Variants in CHD7 observed in about 807,000 individuals in gnomAD.
CHD7 encodes the protein chromodomain helicase DNA binding protein 7, also known as ATP-dependent chromatin remodeler CHD7.
CHD7 carries 24 observed loss-of-function variants against 307.3 expected under a neutral mutation model. The ratio of observed to expected loss-of-function variants is 0.08; its 90% confidence interval spans 0.06 to 0.11. The LOEUF is 0.11. CHD7 is among the 10% of genes least tolerant of loss of function. CHD7 has a pLI of 1.00. For synonymous variants in CHD7, 1,363 were observed against 1,349.9 expected, an observed-to-expected ratio of 1.01 and a Z score of -0.21; for missense variants, 3,106 against 3,727.1, an observed-to-expected ratio of 0.83 and a Z score of 4.34.
At chr8:60,836,590 A>T (rs1804750104) in intron 16 of CHD7, among the ~76,000 whole-genome samples, 1 of 152,184 alleles carries the variant, frequency 6.6e-6, no homozygotes, top group African/African-American at 2.4e-5. Flanking sequence ...TGTTTTTAGA[A>T]TTTAACTATT....
chr8:60,797,945 C>G (rs1199829473), intron 4 of CHD7, among the ~76,000 whole-genome samples: 1 of 152,168 alleles, frequency 6.6e-6, no homozygotes, highest in Non-Finnish European at 1.5e-5. Flanking sequence ...AATTACATCT[C>G]ACATTATGTA....
chr8:60,827,060 G>A (rs1159491902), intron 13 of CHD7, among the ~76,000 whole-genome samples: 1 of 152,080 alleles, frequency 6.6e-6, no homozygotes, highest in African/African-American at 2.4e-5. Context: ...TCCACTATTT[G>A]TAGGTAACTG....
At chr8:60,718,890 T>C (rs1260933466) in intron 1 of CHD7, among the ~76,000 whole-genome samples, 1 of 152,236 alleles carries the variant, frequency 6.6e-6, no homozygotes, top group Admixed American at 6.5e-5. Context: ...TTATATTGTA[T>C]TTTTGCTGTA....
intron 34 of CHD7, 83 bp downstream of exon 34, chr8:60,856,971 T>G: frequency 7.9e-7 from 1 of 1,259,002 alleles, no homozygotes; most frequent in Non-Finnish European, 1.1e-6. Flanking sequence ...TGGGCTGTGT[T>G]TCTCTCAGCA....
At chr8:60,792,785 T>A (rs1400501046) in intron 3 of CHD7, among the ~76,000 whole-genome samples, 1 of 152,188 alleles carries the variant, frequency 6.6e-6, no homozygotes, top group Non-Finnish European at 1.5e-5. Context: ...TGTACATCGC[T>A]CTGGTATAGA....
chr8:60,826,347 A>C (rs1804253981), intron 13 of CHD7, among the ~76,000 whole-genome samples: 1 of 152,248 alleles, frequency 6.6e-6, no homozygotes, highest in South Asian at 2.1e-4. Flanking sequence ...AATGTTTTCA[A>C]GATGGAACAC....
At chr8:60,827,360 A>G (rs2150758551) in intron 13 of CHD7, among the ~76,000 whole-genome samples, 1 of 152,360 alleles carries the variant, frequency 6.6e-6, no homozygotes, top group Non-Finnish European at 1.5e-5. Flanking sequence ...GTCAAGATTT[A>G]ATTTAATGTC....
chr8:60,822,232 G>A, intron 11 of CHD7, 87 bp downstream of exon 11: 2 of 1,217,356 alleles, frequency 1.6e-6, no homozygotes, highest in Non-Finnish European at 1.1e-6. Context: ...AGAACTTAAT[G>A]TTTTAACTCT....
intron 1 of CHD7, among the ~76,000 whole-genome samples, chr8:60,700,451 G>T (rs746687210): frequency 6.6e-6 from 1 of 152,166 alleles, no homozygotes; most frequent in African/African-American, 2.4e-5. Context: ...GTCCAAACTA[G>T]AAGATAAAGA....
chr8:60,689,308 A>G (rs1201413239), intron 1 of CHD7, among the ~76,000 whole-genome samples: 2 of 152,262 alleles, frequency 1.3e-5, no homozygotes, highest in African/African-American at 4.8e-5. Context: ...GGTTGATGTC[A>G]GTAGCTAACA....
chr8:60,810,014 C>T (rs1053055266), intron 7 of CHD7, among the ~76,000 whole-genome samples: 7 of 152,260 alleles, frequency 4.6e-5, no homozygotes, highest in East Asian at 3.9e-4. Context: ...TATAGCTGAG[C>T]GGACTTGTGG....
intron 3 of CHD7, among the ~76,000 whole-genome samples, chr8:60,789,477 T>C (rs1277362489): frequency 6.6e-6 from 1 of 152,222 alleles, no homozygotes; most frequent in Non-Finnish European, 1.5e-5. Context: ...CACTAACTTA[T>C]CCCATCTGAA....
At chr8:60,853,599 CT>C in intron 31 of CHD7, 99 bp downstream of exon 31, 1 of 925,616 alleles carries the variant, frequency 1.1e-6, no homozygotes, top group Non-Finnish European at 1.6e-6. Context: ...TTCACGAGTA[CT>C]TAGTGTACAT....
intron 1 of CHD7, among the ~76,000 whole-genome samples, chr8:60,714,116 CGCT>C (rs1807425277): frequency 6.6e-6 from 1 of 152,006 alleles, no homozygotes; most frequent in Non-Finnish European, 1.5e-5. Context: ...GGCTGGGCCG[CGCT>C]TCCGGGATGG....
intron 3 of CHD7, among the ~76,000 whole-genome samples, chr8:60,793,693 G>A (rs990472983): frequency 1.3e-5 from 2 of 152,106 alleles, no homozygotes; most frequent in African/African-American, 4.8e-5. Context: ...AATTTTTGAA[G>A]GTTTTTGAAA....
Position 60,816,442 on chromosome 8 carries a change from A to G in CHD7, c.2554A>G (p.Ile852Val). Residue 852 changes from isoleucine to valine, a missense_variant, in exon 8 of 38, where the codon ATT becomes GTT. Ile to Val is a conservative substitution (Grantham distance 29). This residue lies in a region of CHD7 where 188 missense variants were observed against 261.7 expected (regional missense o/e 0.72). Transcript: ENST00000423902. ...AGAAGATCTGGAAAAAGATAAGAGA[A>G]TTCAGCAAAAAATTAAACGATTTAA... Reference protein sequence around the residue: ...SIEDLEKDKRIQQKIKRFKAK... With the variant: ...SIEDLEKDKRVQQKIKRFKAK... 1.9e-6 allele frequency: 3 copies of G among 1,611,098 alleles called. No individual in the cohort carries two copies. The highest frequency in any genetic ancestry group is 2.5e-6 in the Non-Finnish European group (3 of 1,178,450).
At chr8:60,769,602 A>G (rs1341203961) in intron 2 of CHD7, among the ~76,000 whole-genome samples, 1 of 152,216 alleles carries the variant, frequency 6.6e-6, no homozygotes, top group African/African-American at 2.4e-5. Flanking sequence ...AAAAAATTCC[A>G]TGTAGTAGTA....
At position 60,770,005 on chromosome 8, in the gene CHD7, C is replaced by T. The variant is rs78952555; in HGVS notation, c.1666-10995C>T. Among the ~76,000 whole-genome samples, 255 of 152,308 alleles carry T rather than the reference C, an allele frequency of 1.7e-3. 2 individuals are homozygous for T. Among genetic ancestry groups the T allele is most frequent in the Admixed American group, 4.5e-3 (69 of 15,304 alleles). ...TGGGCTTTTTCTTCCAGTATTTGAGCATGTCACAGCCATTCATTATTCATA... is the reference window on the plus strand; with the variant it reads ...TGGGCTTTTTCTTCCAGTATTTGAGTATGTCACAGCCATTCATTATTCATA... On this transcript the variant is annotated intron_variant, in intron 2 of 37. Transcript: ENST00000423902.
intron 7 of CHD7, 120 bp from the exon 8 acceptor site, chr8:60,816,267 C>G (rs1416415827): frequency 4.8e-6 from 3 of 627,388 alleles, no homozygotes; most frequent in Non-Finnish European, 8.4e-6. Context: ...TGCTCAGCAG[C>G]CTTAATGGGT....
Sources: gnomAD v4.1 joint callset for allele counts (sites outside exome capture counted in the v4.1 genomes callset) on GRCh38, gnomAD v4.1.1 for gene constraint, gnomAD v4.1.1 regional missense constraint, MANE v1.5 for transcripts, NCBI Gene and HGNC (gene_info 2026-07-23, HGNC 2026-07-21) for gene names.